TTC13: variants seen among roughly 807,000 people sequenced by gnomAD.
The protein encoded by TTC13 is tetratricopeptide repeat domain 13.
A neutral mutation model predicts 120.0 loss-of-function variants in TTC13; 62 were observed. That is an observed-to-expected ratio of 0.52 (90% CI 0.42 to 0.64). The LOEUF (loss-of-function observed/expected upper bound fraction) is 0.64. Among genes scored for constraint, TTC13 ranks in the 30% least tolerant of loss-of-function variants. The probability of loss-of-function intolerance (pLI) is 0.00; values close to 1 mark genes in which losing one functional copy is unlikely to be tolerated. For synonymous variants in TTC13, 384 were observed against 393.5 expected, an observed-to-expected ratio of 0.98 and a Z score of 0.28; for missense variants, 824 against 1,050.2, an observed-to-expected ratio of 0.78 and a Z score of 2.98.
Position 230,978,505 on chromosome 1 carries a change from AGCCCCGCT to A in TTC13, c.271+47_271+54del, listed in dbSNP as rs902565295. Reference sequence around the variant, plus strand: ...GACCCGTACCCCGGCCCGGGACCCCAGCCCCGCTGCCCCGCCGCCCCGGCCGACTCGGA... The same window carrying A: ...GACCCGTACCCCGGCCCGGGACCCCAGCCCCGCCGCCCCGGCCGACTCGGA... On this transcript the variant is annotated intron_variant, in intron 1 of 22. Coordinates refer to ENST00000366661, the MANE Select transcript of TTC13 (RefSeq NM_024525.5). This position sits in a 1 kb window ranked among gnomAD's most constrained non-coding sequence, Gnocchi z 5.6. 1.9e-6 allele frequency: 1 copy of A among 531,040 alleles called. No individual in the cohort carries two copies. Among genetic ancestry groups the A allele is most frequent in the African/African-American group, 2.0e-5 (1 of 50,012 alleles). 32.9% of individuals were successfully genotyped at this position (531,040 alleles called of 1,614,324 possible).
chr1:230,909,203 C>T (rs973880255), intron 20 of TTC13, among the ~76,000 whole-genome samples, 183 bp from the exon 21 acceptor site: 3 of 152,202 alleles, frequency 2.0e-5, no homozygotes, highest in Non-Finnish European at 4.4e-5. Flanking sequence ...TACTAATTTA[C>T]TATTAGAATA....
chr1:230,938,909 T>C (rs1280490860), intron 8 of TTC13, among the ~76,000 whole-genome samples: 1 of 152,120 alleles, frequency 6.6e-6, no homozygotes, highest in East Asian at 1.9e-4. Context: ...ACCCAACTAC[T>C]TCCCACTCTG....
intron 1 of TTC13, among the ~76,000 whole-genome samples, chr1:230,977,767 C>T (rs1194113505): frequency 6.6e-6 from 1 of 151,300 alleles, no homozygotes; most frequent in African/African-American, 2.4e-5. Flanking sequence ...TAAAAAGACC[C>T]ACGACAGAAC....
At chr1:230,921,857 C>G (rs1672605600) in intron 15 of TTC13, among the ~76,000 whole-genome samples, 1 of 152,210 alleles carries the variant, frequency 6.6e-6, no homozygotes, top group Admixed American at 6.5e-5. Flanking sequence ...CCTCAGTTCT[C>G]CCAACAGCAT....
chr1:230,946,724 G>A (rs565902749), intron 4 of TTC13, among the ~76,000 whole-genome samples: 17 of 152,250 alleles, frequency 1.1e-4, no homozygotes, highest in African/African-American at 3.6e-4. Context: ...AGAGGTACAA[G>A]TCCATCAGTT....
chr1:230,937,263 C>A (rs772664374), intron 8 of TTC13, among the ~76,000 whole-genome samples: 2 of 152,140 alleles, frequency 1.3e-5, no homozygotes, highest in South Asian at 4.1e-4. Flanking sequence ...GTTCCTAAAC[C>A]TGGCTTTACA....
At chr1:230,966,662 A>G (rs1362394654) in intron 1 of TTC13, among the ~76,000 whole-genome samples, 1 of 152,198 alleles carries the variant, frequency 6.6e-6, no homozygotes. Context: ...AAAGAAACAT[A>G]AACCAACAAC....
chr1:230,913,226 G>A (rs6689254), intron 18 of TTC13, among the ~76,000 whole-genome samples: 133,999 of 152,220 alleles, frequency 0.88, 58,971 homozygotes, highest in East Asian at 0.98. Flanking sequence ...CTGAGGTTCT[G>A]TGGAGGATAT....
At chr1:230,954,223 T>C in intron 4 of TTC13, 110 bp downstream of exon 4, 1 of 753,414 alleles carries the variant, frequency 1.3e-6, no homozygotes. Flanking sequence ...TTCTTTCACT[T>C]TCTTGTATAA....
At chr1:230,937,797 G>A (rs1674197900) in intron 8 of TTC13, among the ~76,000 whole-genome samples, 1 of 152,148 alleles carries the variant, frequency 6.6e-6, no homozygotes, top group Non-Finnish European at 1.5e-5. Flanking sequence ...TTTTCACATA[G>A]AGTATTTTAT....
At chr1:230,948,993 T>C (rs565835341) in intron 4 of TTC13, among the ~76,000 whole-genome samples, 2 of 152,172 alleles carry the variant, frequency 1.3e-5, no homozygotes, top group South Asian at 4.2e-4. Context: ...GGAAAATAAA[T>C]ATGCTCCTTC....
chr1:230,949,608 G>T (rs1021965732), intron 4 of TTC13, among the ~76,000 whole-genome samples: 50 of 151,050 alleles, frequency 3.3e-4, no homozygotes, highest in Non-Finnish European at 3.5e-4. Context: ...TATCTGTAAA[G>T]TATTTAGGTT....
Position 230,908,811 on chromosome 1 carries a change from A to G in TTC13, c.2389-20T>C, listed in dbSNP as rs1316116347. 6.2e-7 allele frequency: 1 copy of G among 1,611,576 alleles called. No homozygotes were observed. Among genetic ancestry groups the G allele is most frequent in the Admixed American group, 1.7e-5 (1 of 59,982 alleles). On this transcript the variant is annotated intron_variant, in intron 21 of 22. Coordinates refer to ENST00000366661, the MANE Select transcript of TTC13 (RefSeq NM_024525.5). ...GACTAACTGAAAAAGAAAGACATTT[A>G]GGAATGTTACTAAACATGGAGGACA...
intron 19 of TTC13, 26 bp from the exon 20 acceptor site, chr1:230,911,575 A>G: frequency 6.9e-7 from 1 of 1,442,296 alleles, no homozygotes; most frequent in Non-Finnish European, 9.5e-7. Context: ...ACAGACTCAT[A>G]AATACTATAA....
Position 230,912,686 on chromosome 1 carries a change from T to C in TTC13, c.2166A>G (p.Ile722Met). 2.5e-6 allele frequency: 4 copies of C among 1,612,852 alleles called. No homozygotes were observed. The highest frequency in any genetic ancestry group is 3.4e-6 in the Non-Finnish European group (4 of 1,179,494). Residue 722 changes from isoleucine to methionine, a missense_variant, in exon 19 of 23, where the codon ATA becomes ATG. Ile to Met is a conservative substitution (Grantham distance 10, BLOSUM62 1). This residue lies in a region of TTC13 where 226 missense variants were observed against 259.1 expected (regional missense o/e 0.87). Transcript: ENST00000366661. Reference sequence around the variant, plus strand: ...CTGTCAAATCTTTATAAAGTGCATCTATTTCAGCATGATATAATTGTGTCC... The same window carrying C: ...CTGTCAAATCTTTATAAAGTGCATCCATTTCAGCATGATATAATTGTGTCC... The part of the protein sequence containing the change: ...EERTQLYHAE[I>M]DALYKDLTAK...
chr1:230,958,304 GAAAAAA>G lies in TTC13; in HGVS notation c.367-11_367-6del. ...TGCAATAGACTTGGCCTGGCTCTGGGAAAAAAAAAAAAAAAACCCATACATTTTAGC... is the reference window on the plus strand; with the variant it reads ...TGCAATAGACTTGGCCTGGCTCTGGGAAAAAAAAAACCCATACATTTTAGC... On this transcript the variant is annotated splice_polypyrimidine_tract_variant and splice_region_variant and intron_variant, in intron 2 of 22. Coordinates refer to ENST00000366661, the MANE Select transcript of TTC13 (RefSeq NM_024525.5). The G allele has an allele frequency of 6.9e-7, 1 of 1,450,046 alleles. No homozygotes were observed. 89.8% of individuals were successfully genotyped at this position (1,450,046 alleles called of 1,614,324 possible).
chr1:230,968,264 G>A (rs1292850722), intron 1 of TTC13, among the ~76,000 whole-genome samples: 3 of 147,696 alleles, frequency 2.0e-5, no homozygotes, highest in Non-Finnish European at 3.0e-5. Flanking sequence ...GCCATTTTTA[G>A]TTTGTATGGT....
At chr1:230,962,008 C>T (rs1183017270) in intron 1 of TTC13, among the ~76,000 whole-genome samples, 1 of 151,838 alleles carries the variant, frequency 6.6e-6, no homozygotes, top group African/African-American at 2.4e-5. Context: ...GTCACGAGTT[C>T]GAGACCAGCC....
chr1:230,925,073 A>C, intron 13 of TTC13, 100 bp from the exon 14 acceptor site: 1 of 1,421,052 alleles, frequency 7.0e-7, no homozygotes, highest in Non-Finnish European at 9.8e-7. Context: ...TTAACACATA[A>C]AGGGTCAGAA....
Sources: gnomAD v4.1 joint callset for allele counts (sites outside exome capture counted in the v4.1 genomes callset) on GRCh38, gnomAD v4.1.1 for gene constraint, gnomAD v4.1.1 regional missense constraint, Gnocchi (gnomAD v3.1) non-coding constraint, MANE v1.5 for transcripts, NCBI Gene and HGNC (gene_info 2026-07-23, HGNC 2026-07-21) for gene names.